GALNT14: variants seen among roughly 807,000 people sequenced by gnomAD.
GALNT14 encodes the protein polypeptide N-acetylgalactosaminyltransferase 14.
Under a neutral mutation model 77.5 loss-of-function variants are expected in GALNT14, and 60 were observed. The observed-to-expected ratio is 0.77, with a 90% CI of 0.63 to 0.96. The LOEUF is 0.96. GALNT14 is among the 40% of genes least tolerant of loss of function. The pLI is 0.00. For missense variants in GALNT14, 710 were observed against 731.0 expected (o/e 0.97, Z 0.33); for synonymous variants, 280 against 281.7 (o/e 0.99, Z 0.06).
intron 11 of GALNT14, among the ~76,000 whole-genome samples, chr2:30,927,440 A>G (rs1665454729): frequency 6.6e-6 from 1 of 152,220 alleles, no homozygotes; most frequent in Non-Finnish European, 1.5e-5. Context: ...CTGCGTGCAC[A>G]TTAATGTCTG....
intron 1 of GALNT14, among the ~76,000 whole-genome samples, chr2:31,103,292 A>G (rs1195107912): frequency 1.3e-5 from 2 of 152,124 alleles, no homozygotes; most frequent in Non-Finnish European, 2.9e-5. Context: ...ATCTTAACCT[A>G]TGTCTCTAGA....
rs10623006 is a variant in GALNT14 at position 30,938,308 on chromosome 2, TACAC to T, written c.931+3889_931+3892del. On this transcript the variant is annotated intron_variant, in intron 9 of 14. Transcript: ENST00000349752. ...CATACCTACACACACACATACACCC[TACAC>T]ACACACACACACACACAGACTTTAT... Among the ~76,000 whole-genome samples, 8 of 142,710 alleles carry T rather than the reference TACAC, an allele frequency of 5.6e-5. No homozygotes were observed. The East Asian group carries it at 8.2e-4, about 15-fold the overall frequency. 93.6% of individuals were successfully genotyped at this position (142,710 alleles called of 152,430 possible).
intron 2 of GALNT14, among the ~76,000 whole-genome samples, chr2:30,979,835 C>T (rs4578901): frequency 0.02 from 3,011 of 152,270 alleles, 43 homozygotes; most frequent in East Asian, 0.064. Context: ...CTCCCTCCCA[C>T]AGCAGCCCCC....
At chr2:31,078,213 T>C (rs868240911) in intron 1 of GALNT14, among the ~76,000 whole-genome samples, 1 of 152,172 alleles carries the variant, frequency 6.6e-6, no homozygotes, top group African/African-American at 2.4e-5. Flanking sequence ...AGCTGAAAAG[T>C]ATCAGGCATA....
At chr2:31,119,728 G>A (rs1375204294) in intron 1 of GALNT14, among the ~76,000 whole-genome samples, 1 of 152,180 alleles carries the variant, frequency 6.6e-6, no homozygotes, top group Non-Finnish European at 1.5e-5. Flanking sequence ...TAACATGTAA[G>A]AATATGTGTA....
At chr2:30,990,969 G>A (rs568927156) in intron 2 of GALNT14, among the ~76,000 whole-genome samples, 10 of 152,318 alleles carry the variant, frequency 6.6e-5, no homozygotes, top group East Asian at 1.9e-4. Context: ...TGCAAAGCCC[G>A]GAACTGGACA....
At chr2:31,093,858 G>A (rs896102603) in intron 1 of GALNT14, among the ~76,000 whole-genome samples, 1 of 152,208 alleles carries the variant, frequency 6.6e-6, no homozygotes, top group Admixed American at 6.5e-5. Flanking sequence ...GCTCTTCCAA[G>A]TCCTACACTG....
At chr2:31,078,129 C>T (rs1201195949) in intron 1 of GALNT14, among the ~76,000 whole-genome samples, 1 of 152,130 alleles carries the variant, frequency 6.6e-6, no homozygotes, top group Non-Finnish European at 1.5e-5. Flanking sequence ...CCAGTGGAGA[C>T]AGTGCAGGTT....
intron 9 of GALNT14, among the ~76,000 whole-genome samples, chr2:30,935,776 G>T (rs749870487): frequency 2.6e-5 from 4 of 152,176 alleles, no homozygotes; most frequent in Non-Finnish European, 4.4e-5. Context: ...GTAGATATCT[G>T]CTGAGACCTT....
intron 1 of GALNT14, among the ~76,000 whole-genome samples, chr2:31,121,905 G>A (rs888164429): frequency 6.6e-6 from 1 of 152,150 alleles, no homozygotes; most frequent in Non-Finnish European, 1.5e-5. Context: ...AGATCCAAAT[G>A]CTTCCTGGCT....
At chr2:30,927,077 C>G (rs537779769) in intron 11 of GALNT14, among the ~76,000 whole-genome samples, 1 of 152,006 alleles carries the variant, frequency 6.6e-6, no homozygotes, top group Non-Finnish European at 1.5e-5. Context: ...GAGGAGAGAC[C>G]GGGGATCAGG....
intron 2 of GALNT14, among the ~76,000 whole-genome samples, chr2:30,985,706 C>T (rs750140172): frequency 1.3e-5 from 2 of 152,138 alleles, no homozygotes; most frequent in African/African-American, 2.4e-5. Context: ...GGCACTTAGG[C>T]CCACTATCAA....
At position 30,932,195 on chromosome 2, in the gene GALNT14, C is replaced by A; in HGVS notation, c.932-1G>T. 6.7e-7 allele frequency: 1 copy of A among 1,497,012 alleles called. No homozygotes were observed. The highest frequency in any genetic ancestry group is 2.2e-5 in the Admixed American group (1 of 44,530). The allele number at this position is 1,497,012 out of a possible 1,614,324, so 92.7% of individuals were successfully genotyped here. ...CACATCCACACTCGGAAGGAGATTTCTGCAAGACAGTCACGCCCCTCCTAT... is the reference window on the plus strand; with the variant it reads ...CACATCCACACTCGGAAGGAGATTTATGCAAGACAGTCACGCCCCTCCTAT... On this transcript the variant is annotated splice_acceptor_variant, in intron 9 of 14. Coordinates refer to ENST00000349752, the MANE Select transcript of GALNT14 (RefSeq NM_024572.4). LOFTEE classifies it high-confidence loss of function.
At chr2:31,035,620 C>T (rs896933119) in intron 1 of GALNT14, among the ~76,000 whole-genome samples, 35 of 104,926 alleles carry the variant, frequency 3.3e-4, no homozygotes, top group African/African-American at 1.1e-3. Flanking sequence ...CACACACCTA[C>T]ACACACACAC....
At chr2:31,058,339 G>A (rs530915818) in intron 1 of GALNT14, among the ~76,000 whole-genome samples, 62 of 152,224 alleles carry the variant, frequency 4.1e-4, no homozygotes, top group Non-Finnish European at 5.7e-4. Context: ...GACAGTGTGC[G>A]TCAAGCGGAG....
chr2:31,091,351 C>A (rs530778543), intron 1 of GALNT14, among the ~76,000 whole-genome samples: 1 of 152,346 alleles, frequency 6.6e-6, no homozygotes, highest in South Asian at 2.1e-4. Flanking sequence ...TACATATCAT[C>A]TGTGGATGCT....
At chr2:30,921,457 C>T (rs1665025611) in intron 13 of GALNT14, among the ~76,000 whole-genome samples, 1 of 152,162 alleles carries the variant, frequency 6.6e-6, no homozygotes, top group East Asian at 1.9e-4. Context: ...AAATCAACAC[C>T]TCAATTTCCT....
chr2:31,111,977 A>G (rs959881247), intron 1 of GALNT14, among the ~76,000 whole-genome samples: 1 of 148,912 alleles, frequency 6.7e-6, no homozygotes, highest in Middle Eastern at 3.6e-3. Flanking sequence ...GCCTTCTCCC[A>G]CTAAAACTGT....
chr2:31,122,484 A>G (rs1411664585), intron 1 of GALNT14, among the ~76,000 whole-genome samples: 2 of 152,218 alleles, frequency 1.3e-5, no homozygotes, highest in African/African-American at 2.4e-5. Flanking sequence ...GCTTTTCGTG[A>G]GCAAGCACAT....
Sources: gnomAD v4.1 joint callset for allele counts (sites outside exome capture counted in the v4.1 genomes callset) on GRCh38, gnomAD v4.1.1 for gene constraint, MANE v1.5 for transcripts, NCBI Gene and HGNC (gene_info 2026-07-23, HGNC 2026-07-21) for gene names.